Variants in PIAS2 observed in about 807,000 individuals in gnomAD.
PIAS2 encodes E3 SUMO-protein ligase PIAS2.
Under a neutral mutation model 69.7 loss-of-function variants are expected in PIAS2, and 19 were observed. The ratio of observed to expected loss-of-function variants is 0.27; its 90% CI spans 0.19 to 0.40. PIAS2 has a LOEUF of 0.40. Ranked by LOEUF, PIAS2 falls within the 10% of genes least tolerant of loss-of-function variation. PIAS2 has a pLI of 1.00. For missense variants in PIAS2, 624 were observed against 757.0 expected (o/e 0.82, Z 2.06); for synonymous variants, 261 against 263.2 (o/e 0.99, Z 0.08).
At chr18:46,857,486 G>C (rs1161379914) in intron 3 of PIAS2, among the ~76,000 whole-genome samples, 1 of 152,140 alleles carries the variant, frequency 6.6e-6, no homozygotes, top group African/African-American at 2.4e-5. Context: ...CAGTGGTTCT[G>C]CCTACTTCTG....
At chr18:46,891,633 A>T (rs962243619) in intron 1 of PIAS2, 1 of 918,914 alleles carries the variant, frequency 1.1e-6, no homozygotes, top group African/African-American at 1.8e-5. Context: ...AAAGCTAAAA[A>T]ATCACATACA....
chr18:46,839,884 C>T (rs980121114), intron 8 of PIAS2, among the ~76,000 whole-genome samples: 15 of 149,910 alleles, frequency 1.0e-4, no homozygotes, highest in African/African-American at 3.7e-4. Context: ...AAAAAAAGGC[C>T]GGGCACAGTG....
intron 2 of PIAS2, among the ~76,000 whole-genome samples, chr18:46,870,811 C>T (rs1010792100): frequency 5.9e-5 from 9 of 151,952 alleles, no homozygotes; most frequent in African/African-American, 1.2e-4. Context: ...AGTCTGGGAA[C>T]GTGAACATCC....
In PIAS2 at chr18:46,855,997, G is replaced by GTTTT. The variant is rs1171297653; in HGVS notation, c.585-386_585-383dup. ...TTGAAGACTTTTTTCTTTTTCTTTT[G>GTTTT]TTTTTTTTTTTTTTTTTTTTTTTTT... is the stretch of plus-strand genomic sequence containing the variant. On this transcript the variant is annotated intron_variant, in intron 3 of 13. Coordinates refer to ENST00000585916, the MANE Select transcript of PIAS2 (RefSeq NM_004671.5). 1.5e-3 allele frequency among the ~76,000 whole-genome samples: 104 copies of GTTTT among 67,962 alleles called. 11 individuals are homozygous for GTTTT. The highest frequency in any genetic ancestry group is 2.0e-3 in the Non-Finnish European group (76 of 37,730). 44.6% of individuals were successfully genotyped at this position (67,962 alleles called of 152,430 possible). A position where few individuals can be genotyped will look rare whatever the true frequency, so the allele number is the denominator to read the frequency against.
upstream of PIAS2, chr18:46,918,183 A>ATAGAAGGAAGC (rs1014207831): frequency 6.6e-6 from 1 of 152,192 alleles, no homozygotes; most frequent in African/African-American, 2.4e-5. Flanking sequence ...GAGTAAGTAG[A>ATAGAAGGAAGC]TAGAAGGAAG....
intron 1 of PIAS2, among the ~76,000 whole-genome samples, chr18:46,894,484 T>C (rs1021511993): frequency 6.6e-6 from 1 of 152,300 alleles, no homozygotes; most frequent in East Asian, 1.9e-4. Flanking sequence ...TCCACTGCGC[T>C]AACTCTCAAA....
intron 1 of PIAS2, among the ~76,000 whole-genome samples, chr18:46,902,988 G>A (rs1169646158): frequency 6.6e-6 from 1 of 152,176 alleles, no homozygotes; most frequent in Admixed American, 6.5e-5. Flanking sequence ...AATATATGGT[G>A]CTGGATCAAC....
intron 12 of PIAS2, 200 bp from the exon 13 acceptor site, chr18:46,815,549 G>A (rs2041423282): frequency 2.0e-6 from 2 of 985,058 alleles, no homozygotes; most frequent in Non-Finnish European, 2.4e-6. Flanking sequence ...TAAAACAACT[G>A]GAAAAACTAG....
chr18:46,833,571 T>C (rs1224409470), intron 9 of PIAS2, among the ~76,000 whole-genome samples: 1 of 152,216 alleles, frequency 6.6e-6, no homozygotes, highest in African/African-American at 2.4e-5. Flanking sequence ...TCAATTATAC[T>C]GAAAATTCAG....
chr18:46,844,263 A>T (rs771234961), intron 7 of PIAS2, 136 bp from the exon 8 acceptor site: 2 of 409,224 alleles, frequency 4.9e-6, no homozygotes, highest in East Asian at 7.4e-5. Context: ...TCCCAATATA[A>T]GTTAAAGAAT....
chr18:46,854,664 A>G (rs1481368987), intron 5 of PIAS2, among the ~76,000 whole-genome samples: 3 of 152,210 alleles, frequency 2.0e-5, no homozygotes, highest in Non-Finnish European at 2.9e-5. Context: ...TACATTGTAT[A>G]CATCCTAGGT....
chr18:46,820,463 C>A (rs561938830), intron 12 of PIAS2, among the ~76,000 whole-genome samples: 1 of 152,152 alleles, frequency 6.6e-6, no homozygotes, highest in South Asian at 2.1e-4. Context: ...TAAAAGATAT[C>A]CCAAGTATTA....
chr18:46,898,252 G>T (rs2055215132), intron 1 of PIAS2, among the ~76,000 whole-genome samples: 1 of 151,986 alleles, frequency 6.6e-6, no homozygotes, highest in Non-Finnish European at 1.5e-5. Context: ...CTGCCTCTGG[G>T]ATTCTTTGCC....
intron 2 of PIAS2, among the ~76,000 whole-genome samples, chr18:46,879,920 A>G (rs1336148010): frequency 6.6e-6 from 1 of 152,086 alleles, no homozygotes; most frequent in Non-Finnish European, 1.5e-5. Context: ...GGTTGCCAGG[A>G]GCTGGGGGAA....
At chr18:46,838,139 T>G (rs894227442) in intron 8 of PIAS2, among the ~76,000 whole-genome samples, 9 of 152,174 alleles carry the variant, frequency 5.9e-5, no homozygotes, top group African/African-American at 2.2e-4. Context: ...AATTTCTAAT[T>G]CCTCTAAAAT....
At chr18:46,837,076 T>C (rs1410384371) in intron 8 of PIAS2, among the ~76,000 whole-genome samples, 1 of 152,194 alleles carries the variant, frequency 6.6e-6, no homozygotes, top group Non-Finnish European at 1.5e-5. Flanking sequence ...CTACAAACAA[T>C]GCTGTAATGA....
At chr18:46,824,156 A>G (rs571289208) in intron 11 of PIAS2, among the ~76,000 whole-genome samples, 2 of 152,370 alleles carry the variant, frequency 1.3e-5, no homozygotes, top group South Asian at 4.1e-4. Context: ...ATGCTGCTAT[A>G]TAGCAAATAT....
intron 2 of PIAS2, among the ~76,000 whole-genome samples, chr18:46,872,543 A>G (rs2050525694): frequency 1.3e-5 from 2 of 152,228 alleles, no homozygotes; most frequent in African/African-American, 4.8e-5. Context: ...TGGTGAAGCT[A>G]TAGAACAGGT....
chr18:46,862,550 G>A (rs1241346279), intron 3 of PIAS2, among the ~76,000 whole-genome samples: 1 of 151,964 alleles, frequency 6.6e-6, no homozygotes, highest in Non-Finnish European at 1.5e-5. Flanking sequence ...GTTTTATCAT[G>A]CTGAATCTTT....
Sources: allele counts gnomAD v4.1 joint callset (sites outside exome capture counted in the v4.1 genomes callset), GRCh38; gene constraint gnomAD v4.1.1; transcripts MANE v1.5; gene names NCBI Gene and HGNC (gene_info 2026-07-23, HGNC 2026-07-21).